RAB30: variants seen among roughly 807,000 people sequenced by gnomAD.
The protein encoded by RAB30 is RAB30, member RAS oncogene family, also known as ras-related protein Rab-30.
In RAB30, 9 loss-of-function variants were observed where a neutral mutation model predicts 25.1. The ratio of observed to expected loss-of-function variants is 0.36; its 90% CI spans 0.22 to 0.63. The LOEUF is 0.63. RAB30 is among the 20% of genes least tolerant of loss of function. The pLI is 0.69. For missense variants in RAB30, 140 were observed against 243.5 expected, an observed-to-expected ratio of 0.58 and a Z score of 2.83; for synonymous variants, 77 against 86.4, an observed-to-expected ratio of 0.89 and a Z score of 0.60.
chr11:82,986,199 T>C (rs900154772), intron 4 of RAB30, among the ~76,000 whole-genome samples: 3 of 152,160 alleles, frequency 2.0e-5, no homozygotes, highest in Non-Finnish European at 2.9e-5. Context: ...ACCTCTGAGA[T>C]TTGCTTCAAA....
intron 1 of RAB30, among the ~76,000 whole-genome samples, chr11:83,051,550 C>T (rs1156252225): frequency 6.6e-6 from 1 of 152,132 alleles, no homozygotes; most frequent in African/African-American, 2.4e-5. Flanking sequence ...AAGCAACGAT[C>T]CCTAAGTGTC....
intron 1 of RAB30, among the ~76,000 whole-genome samples, chr11:83,033,055 CTTTTTT>C (rs71463144): frequency 1.3e-5 from 1 of 77,864 alleles, no homozygotes; most frequent in Non-Finnish European, 2.5e-5. Flanking sequence ...GCCTCAAATT[CTTTTTT>C]TTTTTTTTTT....
intron 1 of RAB30, among the ~76,000 whole-genome samples, chr11:83,009,356 G>A (rs958152315): frequency 5.3e-5 from 8 of 152,124 alleles, no homozygotes; most frequent in Admixed American, 6.6e-5. Context: ...GTGAGCCACC[G>A]CGCCCGGCCA....
chr11:82,979,812 A>T lies in RAB30; in HGVS notation c.*2353T>A, dbSNP rs1267780970. The T allele has an allele frequency of 6.6e-6, 1 of 152,246 alleles. No individual in the cohort carries two copies. The highest frequency in any genetic ancestry group is 2.4e-5 in the African/African-American group (1 of 41,450). 9.4% of individuals were successfully genotyped at this position (152,246 alleles called of 1,614,324 possible). On this transcript the variant is annotated 3_prime_UTR_variant, in exon 5 of 5. Transcript: ENST00000527633. ...ATGGGTAAGTTATGGAAAGGCTGGG[A>T]GGAGCAACAAGGAAGATAGAGGCCA... is the stretch of plus-strand genomic sequence containing the variant.
At chr11:83,058,843 T>C (rs1858507094) in intron 1 of RAB30, among the ~76,000 whole-genome samples, 1 of 152,216 alleles carries the variant, frequency 6.6e-6, no homozygotes, top group Admixed American at 6.5e-5. Context: ...AGCATGAAAA[T>C]GCCATAACAC....
intron 2 of RAB30, among the ~76,000 whole-genome samples, chr11:82,996,785 T>A (rs1168516812): frequency 1.3e-5 from 2 of 152,232 alleles, no homozygotes; most frequent in Non-Finnish European, 2.9e-5. Context: ...TCAAGTTTCC[T>A]GGGAGGATGT....
At chr11:83,026,320 A>C (rs1261912056) in intron 1 of RAB30, among the ~76,000 whole-genome samples, 1 of 152,226 alleles carries the variant, frequency 6.6e-6, no homozygotes, top group African/African-American at 2.4e-5. Flanking sequence ...GTTGAAATGT[A>C]ATTCTCAGTG....
At chr11:82,994,269 GAGC>G in intron 2 of RAB30, 147 bp from the exon 3 acceptor site, 1 of 650,360 alleles carries the variant, frequency 1.5e-6, no homozygotes, top group Non-Finnish European at 2.7e-6. Flanking sequence ...ACTCTCAAGG[GAGC>G]CCTGTGCAAC....
At chr11:83,020,504 T>C (rs1334004348) in intron 1 of RAB30, among the ~76,000 whole-genome samples, 1 of 152,232 alleles carries the variant, frequency 6.6e-6, no homozygotes, top group African/African-American at 2.4e-5. Context: ...CAGCCTGTTA[T>C]GCCTGTTGCC....
chr11:83,067,062 G>A (rs1204690088), intron 1 of RAB30, among the ~76,000 whole-genome samples: 1 of 152,102 alleles, frequency 6.6e-6, no homozygotes, highest in Non-Finnish European at 1.5e-5. Context: ...GAGCGCTTTT[G>A]CTTGCCTTCA....
chr11:83,051,734 A>G (rs1858362354), intron 1 of RAB30, among the ~76,000 whole-genome samples: 1 of 152,070 alleles, frequency 6.6e-6, no homozygotes, highest in Non-Finnish European at 1.5e-5. Context: ...CATTCTCAGA[A>G]GCATGTATGA....
chr11:83,040,427 A>G (rs1176186093), intron 1 of RAB30, among the ~76,000 whole-genome samples: 1 of 152,094 alleles, frequency 6.6e-6, no homozygotes, highest in Non-Finnish European at 1.5e-5. Flanking sequence ...GCCCATCTCT[A>G]CTAAAAATAC....
Position 82,977,759 on chromosome 11 carries a change from A to C in RAB30, c.*4406T>G, listed in dbSNP as rs1387505255. 6.6e-6 allele frequency: 1 copy of C among 152,194 alleles called. No individual in the cohort carries two copies. The highest frequency in any genetic ancestry group is 1.5e-5 in the Non-Finnish European group (1 of 68,032). 9.4% of individuals were successfully genotyped at this position (152,194 alleles called of 1,614,324 possible). A position where few individuals can be genotyped will look rare whatever the true frequency, so the allele number is the denominator to read the frequency against. On this transcript the variant is annotated 3_prime_UTR_variant, in exon 5 of 5. Transcript: ENST00000527633. ...TCCTTCATCAGACTGGTAATGCCTC[A>C]ATTTGTTTTTAATTTCAAAGTATGG...
intron 1 of RAB30, among the ~76,000 whole-genome samples, chr11:83,028,811 A>G (rs1044385617): frequency 1.3e-5 from 2 of 152,228 alleles, no homozygotes; most frequent in Non-Finnish European, 2.9e-5. Flanking sequence ...CTAAGACAGC[A>G]AGATTGCTTA....
intron 3 of RAB30, among the ~76,000 whole-genome samples, chr11:82,988,828 C>T (rs141359263): frequency 6.6e-6 from 1 of 152,246 alleles, no homozygotes; most frequent in East Asian, 1.9e-4. Context: ...TATTCATGTC[C>T]AGGGACATAA....
intron 1 of RAB30, among the ~76,000 whole-genome samples, chr11:83,011,316 T>C (rs536799152): frequency 1.1e-4 from 17 of 152,362 alleles, no homozygotes; most frequent in Non-Finnish European, 1.6e-4. Flanking sequence ...CAACATTTCT[T>C]TAAAGCAGTT....
intron 1 of RAB30, among the ~76,000 whole-genome samples, chr11:83,063,637 G>T (rs963618246): frequency 6.6e-6 from 1 of 152,096 alleles, no homozygotes; most frequent in African/African-American, 2.4e-5. Flanking sequence ...TTCACCCTTC[G>T]CAACTAGCTT....
intron 1 of RAB30, among the ~76,000 whole-genome samples, chr11:83,003,242 C>T (rs888727569): frequency 1.3e-5 from 2 of 152,160 alleles, no homozygotes; most frequent in East Asian, 3.8e-4. Context: ...TGGAAAGGTA[C>T]TCCTTTTAAA....
At chr11:83,051,379 C>T (rs1858354242) in intron 1 of RAB30, among the ~76,000 whole-genome samples, 1 of 152,162 alleles carries the variant, frequency 6.6e-6, no homozygotes, top group Admixed American at 6.5e-5. Context: ...TCCGGCTGTA[C>T]CTGTTCTTTT....
Sources: allele counts gnomAD v4.1 joint callset (sites outside exome capture counted in the v4.1 genomes callset), GRCh38; gene constraint gnomAD v4.1.1; transcripts MANE v1.5; gene names NCBI Gene and HGNC (gene_info 2026-07-23, HGNC 2026-07-21).